The following PRKG1 variants were observed in gnomAD, a reference collection of about 807,000 sequenced individuals.
PRKG1 encodes the protein protein kinase cGMP-dependent 1.
In PRKG1, 35 loss-of-function variants were observed where a neutral mutation model predicts 88.1. The observed-to-expected ratio is 0.40, with a 90% CI of 0.30 to 0.53. The LOEUF (loss-of-function observed/expected upper bound fraction) is 0.53, where lower values mean the gene tolerates loss of function less well. Among genes scored for constraint, PRKG1 ranks in the 20% least tolerant of loss-of-function variants. PRKG1 has a pLI of 0.59. For synonymous variants in PRKG1, 303 were observed against 292.5 expected, an observed-to-expected ratio of 1.04 and a Z score of -0.37; for missense variants, 540 against 839.8, an observed-to-expected ratio of 0.64 and a Z score of 4.41.
chr10:51,210,735 GAC>G (rs1838192382), intron 2 of PRKG1, among the ~76,000 whole-genome samples: 1 of 152,072 alleles, frequency 6.6e-6, no homozygotes, highest in Non-Finnish European at 1.5e-5. Context: ...TAAATTCCTC[GAC>G]ACATACAGTC....
chr10:51,647,214 G>C (rs182029873), intron 3 of PRKG1, among the ~76,000 whole-genome samples: 246 of 151,772 alleles, frequency 1.6e-3, no homozygotes, highest in Middle Eastern at 0.011. Context: ...TCTACAAACG[G>C]AAGGTTTTCT....
At chr10:52,049,413 G>C (rs1175201421) in intron 5 of PRKG1, among the ~76,000 whole-genome samples, 1 of 152,140 alleles carries the variant, frequency 6.6e-6, no homozygotes, top group Non-Finnish European at 1.5e-5. Flanking sequence ...GGAGGGGAAA[G>C]GATGGAGAAG....
At chr10:51,164,806 AGATGAAATG>A (rs1846483919) in intron 2 of PRKG1, among the ~76,000 whole-genome samples, 1 of 152,148 alleles carries the variant, frequency 6.6e-6, no homozygotes, top group South Asian at 2.1e-4. Context: ...CAGTGATGGA[AGATGAAATG>A]AATGAAATGA....
At chr10:51,351,329 G>A (rs551516132) in intron 2 of PRKG1, among the ~76,000 whole-genome samples, 6 of 152,076 alleles carry the variant, frequency 3.9e-5, no homozygotes, top group East Asian at 3.9e-4. Flanking sequence ...TTGAGGAATC[G>A]CCACACTGTC....
chr10:51,776,563 G>A (rs918869128), intron 3 of PRKG1, among the ~76,000 whole-genome samples: 2 of 152,106 alleles, frequency 1.3e-5, no homozygotes, highest in Non-Finnish European at 2.9e-5. Flanking sequence ...GGTGGTTCAT[G>A]CCTGTAAACC....
intron 2 of PRKG1, among the ~76,000 whole-genome samples, chr10:51,376,715 C>T (rs1016111455): frequency 3.3e-5 from 5 of 152,126 alleles, no homozygotes; most frequent in African/African-American, 1.2e-4. Context: ...GCTCTTGTAG[C>T]CCAGGCTGGA....
At chr10:51,089,811 T>A (rs939358789) in intron 1 of PRKG1, among the ~76,000 whole-genome samples, 1 of 152,046 alleles carries the variant, frequency 6.6e-6, no homozygotes, top group African/African-American at 2.4e-5. Flanking sequence ...TATCAAAGAG[T>A]TAAGGTAATA....
At chr10:51,290,468 C>T (rs569163376) in intron 2 of PRKG1, among the ~76,000 whole-genome samples, 165 of 151,998 alleles carry the variant, frequency 1.1e-3, no homozygotes, top group African/African-American at 3.9e-3. Flanking sequence ...TTCTATTTTT[C>T]TTTTAGAGAC....
intron 3 of PRKG1, among the ~76,000 whole-genome samples, chr10:51,723,808 G>A (rs1243409806): frequency 6.6e-6 from 1 of 152,030 alleles, no homozygotes; most frequent in Non-Finnish European, 1.5e-5. Flanking sequence ...AGAAATTAAT[G>A]TATTTTCTGT....
chr10:51,479,595 G>T (rs1840298103), intron 3 of PRKG1, among the ~76,000 whole-genome samples: 1 of 150,826 alleles, frequency 6.6e-6, no homozygotes, highest in African/African-American at 2.4e-5. Context: ...ATTCATTTTT[G>T]CTATTAAAAA....
intron 10 of PRKG1, among the ~76,000 whole-genome samples, chr10:52,255,818 A>C (rs1841294018): frequency 6.6e-6 from 1 of 152,098 alleles, no homozygotes; most frequent in Non-Finnish European, 1.5e-5. Context: ...CATACTTAGT[A>C]AAATGAAACT....
Position 52,029,950 on chromosome 10 carries a change from C to G in PRKG1, c.763-24534C>G, listed in dbSNP as rs74135113. ...CTCATCATCTACTGAACCCCATCCA[C>G]TTTTTAAAGAAATCCATGCAATCAT... On this transcript the variant is annotated intron_variant, in intron 5 of 17. Coordinates refer to ENST00000373980, the MANE Select transcript of PRKG1 (RefSeq NM_006258.4). Among the ~76,000 whole-genome samples the G allele has an allele frequency of 9.3e-3, 1,409 of 152,252 alleles. 27 individuals carry two copies. The highest frequency in any genetic ancestry group is 0.032 in the African/African-American group (1,340 of 41,538).
intron 3 of PRKG1, among the ~76,000 whole-genome samples, chr10:51,782,309 C>T (rs1449735726): frequency 6.6e-6 from 1 of 152,060 alleles, no homozygotes; most frequent in Non-Finnish European, 1.5e-5. Flanking sequence ...CAGGTTGTAG[C>T]CTCGTGAGCC....
At chr10:52,293,604 C>T (rs1842318209) in intron 17 of PRKG1, among the ~76,000 whole-genome samples, 198 bp from the exon 18 acceptor site, 1 of 152,062 alleles carries the variant, frequency 6.6e-6, no homozygotes, top group Non-Finnish European at 1.5e-5. Flanking sequence ...CAGTTTATTA[C>T]TCACAAGGGT....
chr10:51,160,765 A>C (rs1007212997), intron 2 of PRKG1, among the ~76,000 whole-genome samples: 7 of 152,184 alleles, frequency 4.6e-5, no homozygotes, highest in African/African-American at 1.7e-4. Flanking sequence ...AGCTTTACAT[A>C]CATTGGAACT....
intron 2 of PRKG1, among the ~76,000 whole-genome samples, chr10:51,196,364 TCTA>T (rs1183695464): frequency 3.3e-5 from 5 of 152,206 alleles, no homozygotes; most frequent in African/African-American, 1.2e-4. Flanking sequence ...TACATTCAAT[TCTA>T]CTATAGCAAA....
chr10:51,779,123 C>T (rs1838518722), intron 3 of PRKG1, among the ~76,000 whole-genome samples: 1 of 152,054 alleles, frequency 6.6e-6, no homozygotes, highest in Non-Finnish European at 1.5e-5. Context: ...CATAAAAGAA[C>T]CACCCATTAA....
intron 3 of PRKG1, among the ~76,000 whole-genome samples, chr10:51,535,012 C>T (rs1178745119): frequency 6.6e-6 from 1 of 152,028 alleles, no homozygotes; most frequent in Admixed American, 6.6e-5. Context: ...TTGATGTACC[C>T]TTTATGAATA....
intron 5 of PRKG1, among the ~76,000 whole-genome samples, chr10:51,961,188 G>C (rs1843438504): frequency 6.6e-6 from 1 of 151,988 alleles, no homozygotes; most frequent in South Asian, 2.1e-4. Flanking sequence ...TGATATTGTG[G>C]GGGGAGGATT....
Sources: allele counts gnomAD v4.1 joint callset (sites outside exome capture counted in the v4.1 genomes callset), GRCh38; gene constraint gnomAD v4.1.1; transcripts MANE v1.5; gene names NCBI Gene and HGNC (gene_info 2026-07-23, HGNC 2026-07-21).